Variants in TARBP1 observed in about 807,000 individuals in gnomAD.
The protein encoded by TARBP1 is tRNA guanosine 2 -O-methyltransferase TARBP1, also known as tRNA (guanosine(18)-2'-O)-methyltransferase TARBP1.
TARBP1 carries 144 observed loss-of-function variants against 178.6 expected under a neutral mutation model. The ratio of observed to expected loss-of-function variants is 0.81; its 90% CI spans 0.70 to 0.93. The LOEUF (loss-of-function observed/expected upper bound fraction) is 0.93. Ranked by LOEUF, TARBP1 falls within the 40% of genes least tolerant of loss-of-function variation. The pLI is 0.00. For missense variants in TARBP1, 2,067 were observed against 2,011.7 expected (o/e 1.03, Z -0.53); for synonymous variants, 787 against 781.0 (o/e 1.01, Z -0.13).
At position 234,425,670 on chromosome 1, in the gene TARBP1, T is replaced by TA; in HGVS notation, c.3444+2dup. ...AAGATAATTTAAAGTAAAATACACTTACTTTATCTAATAGCTTGATTGCAA... is the reference window on the plus strand; with the variant it reads ...AAGATAATTTAAAGTAAAATACACTTAACTTTATCTAATAGCTTGATTGCAA... On this transcript the variant is annotated splice_region_variant and intron_variant, in intron 20 of 29. Coordinates refer to ENST00000040877, the MANE Select transcript of TARBP1 (RefSeq NM_005646.4). The TA allele has an allele frequency of 6.2e-7, 1 of 1,610,562 alleles. No homozygotes were observed. The highest frequency in any genetic ancestry group is 1.7e-4 in the Middle Eastern group (1 of 5,886).
chr1:234,472,860 T>G, intron 1 of TARBP1, 49 bp from the exon 2 acceptor site: 2 of 1,399,462 alleles, frequency 1.4e-6, no homozygotes, highest in Non-Finnish European at 2.0e-6. Context: ...GCAAATTTCA[T>G]AAGTTTCTCA....
intron 21 of TARBP1, among the ~76,000 whole-genome samples, chr1:234,419,287 A>G (rs1183668942): frequency 2.0e-5 from 3 of 152,222 alleles, no homozygotes; most frequent in African/African-American, 7.2e-5. Context: ...TAGTAGAAAA[A>G]GAGCAGAAGG....
chr1:234,421,276 A>G (rs1663063704), intron 20 of TARBP1, among the ~76,000 whole-genome samples: 1 of 152,078 alleles, frequency 6.6e-6, no homozygotes, highest in Admixed American at 6.6e-5. Flanking sequence ...TTTAGTAGAG[A>G]TGGGGTTTCA....
chr1:234,472,738 A>G lies in TARBP1; in HGVS notation c.1005T>C (p.Ile335=), dbSNP rs1456967168. The change falls in exon 2 of 30, where the codon ATT becomes ATC. Residue 335 remains isoleucine, a synonymous_variant. Transcript: ENST00000040877. ...LLKFWENYIL[I]METLEGNQIH... is the part of the protein sequence containing the mutation. ...CCTGATTTCCTTCTAAAGTCTCCAT[A>G]ATTAAAATATAATTTTCCCAAAACT... is the stretch of plus-strand genomic sequence containing the variant. 1.2e-6 allele frequency: 2 copies of G among 1,601,274 alleles called. No homozygotes were observed. The highest frequency in any genetic ancestry group is 1.7e-6 in the Non-Finnish European group (2 of 1,175,808).
intron 9 of TARBP1, among the ~76,000 whole-genome samples, chr1:234,451,116 C>T (rs1246093943): frequency 6.6e-6 from 1 of 152,150 alleles, no homozygotes; most frequent in Non-Finnish European, 1.5e-5. Context: ...TAAAATACTG[C>T]ATATTAATTT....
At chr1:234,459,550 A>G (rs538833) in intron 7 of TARBP1, among the ~76,000 whole-genome samples, 55,576 of 151,720 alleles carry the variant, frequency 0.37, 10,726 homozygotes, top group African/African-American at 0.51. Context: ...AGTGGCTCAC[A>G]CCTCTAATCC....
At chr1:234,472,329 CAAAAA>C (rs1160411119) in intron 2 of TARBP1, among the ~76,000 whole-genome samples, 6 of 46,080 alleles carry the variant, frequency 1.3e-4, no homozygotes, top group Admixed American at 3.0e-4. Flanking sequence ...ACTCTGTCTC[CAAAAA>C]AAAAAAAAAA....
intron 22 of TARBP1, among the ~76,000 whole-genome samples, chr1:234,417,623 G>A (rs78912505): frequency 0.056 from 8,537 of 152,300 alleles, 289 homozygotes; most frequent in Middle Eastern, 0.092. Context: ...GTTGGAAAGC[G>A]ATTAGGGGAG....
At position 234,429,657 on chromosome 1, in the gene TARBP1, G is replaced by A. The variant is rs1664191216; in HGVS notation, c.2630C>T (p.Ser877Phe). 3 of 1,600,352 alleles carry A rather than the reference G, an allele frequency of 1.9e-6. No individual in the cohort carries two copies. The highest frequency in any genetic ancestry group is 2.6e-6 in the Non-Finnish European group (3 of 1,174,562). The change falls in exon 16 of 30, where the codon TCT becomes TTT. Residue 877 changes from serine to phenylalanine, a missense_variant. Ser to Phe is a radical substitution (Grantham distance 155). Coordinates refer to ENST00000040877, the MANE Select transcript of TARBP1 (RefSeq NM_005646.4). ...ECSSVLEESSSSQGWGKIVAQ... is the reference protein window; with the variant it reads ...ECSSVLEESSFSQGWGKIVAQ... ...AACTATTTTTCCCCATCCTTGGGAA[G>A]ATGACGATTCTTCCAAAACACTGAA...
intron 12 of TARBP1, among the ~76,000 whole-genome samples, chr1:234,445,732 G>A (rs536101146): frequency 3.9e-5 from 6 of 152,274 alleles, no homozygotes; most frequent in African/African-American, 1.2e-4. Flanking sequence ...TAACAGGAGG[G>A]CACTAAACAG....
intron 28 of TARBP1, among the ~76,000 whole-genome samples, chr1:234,393,108 TG>T (rs1444684804): frequency 4.6e-5 from 7 of 152,210 alleles, no homozygotes; most frequent in African/African-American, 7.2e-5. Context: ...ACATTATTGA[TG>T]ATTTCTAAAA....
Position 234,478,352 on chromosome 1 carries a change from C to CCGCGGG in TARBP1, c.746_751dup (p.Ala249_Arg250dup), listed in dbSNP as rs963916333. On this transcript the variant is annotated inframe_insertion, in exon 1 of 30. Coordinates refer to ENST00000040877, the MANE Select transcript of TARBP1 (RefSeq NM_005646.4). Reference sequence around the variant, plus strand: ...GGCGTCCGGGCCCGCCTCGCGCGCGCCGCGGGCGCGGTCGCCGCCGGGCTC... The same window carrying CCGCGGG: ...GGCGTCCGGGCCCGCCTCGCGCGCGCCGCGGGCGCGGGCGCGGTCGCCGCCGGGCTC... The CCGCGGG allele has an allele frequency of 1.3e-4, 162 of 1,270,948 alleles. No individual in the cohort carries two copies. In the East Asian group the frequency reaches 4.5e-3, roughly 36 times the overall value. The allele number at this position is 1,270,948 out of a possible 1,614,324, so 78.7% of individuals were successfully genotyped here.
intron 3 of TARBP1, among the ~76,000 whole-genome samples, chr1:234,469,491 C>T (rs1668830538): frequency 6.6e-6 from 1 of 152,152 alleles, no homozygotes; most frequent in Non-Finnish European, 1.5e-5. Flanking sequence ...TAAATTCTAG[C>T]CCCAGGTGCA....
chr1:234,443,335 C>T (rs1285289234), intron 12 of TARBP1, among the ~76,000 whole-genome samples: 2 of 151,838 alleles, frequency 1.3e-5, no homozygotes, highest in African/African-American at 2.4e-5. Context: ...TAGTCTATGC[C>T]TCATATAATG....
At chr1:234,404,211 C>T (rs1014613068) in intron 24 of TARBP1, among the ~76,000 whole-genome samples, 6 of 152,098 alleles carry the variant, frequency 3.9e-5, no homozygotes, top group African/African-American at 1.2e-4. Flanking sequence ...GAGACAGCTA[C>T]AAGCTGACAA....
intron 13 of TARBP1, 140 bp from the exon 14 acceptor site, chr1:234,433,711 G>GC (rs1664714263): frequency 1.3e-6 from 1 of 793,908 alleles, no homozygotes; most frequent in Non-Finnish European, 2.0e-6. Flanking sequence ...TCTCCAAGCA[G>GC]CCTTCCATAA....
Position 234,467,605 on chromosome 1 carries a change from C to G in TARBP1, c.1145G>C (p.Arg382Thr). Reference sequence around the variant, plus strand: ...GATTTTGTTTTCACTTTCAAACATTCTTTTATAAATACACATATGCCAGGA... The same window carrying G: ...GATTTTGTTTTCACTTTCAAACATTGTTTTATAAATACACATATGCCAGGA... ...HPSWHMCIYK[R>T]MFESENKILS... Residue 382 changes from arginine to threonine, a missense_variant, in exon 4 of 30, where the codon AGA becomes ACA. Arg to Thr is a moderately conservative substitution (Grantham distance 71). Coordinates refer to ENST00000040877, the MANE Select transcript of TARBP1 (RefSeq NM_005646.4). The G allele has an allele frequency of 6.2e-7, 1 of 1,609,278 alleles. No individual in the cohort carries two copies. Among genetic ancestry groups the G allele is most frequent in the Non-Finnish European group, 8.5e-7 (1 of 1,178,666 alleles).
intron 1 of TARBP1, among the ~76,000 whole-genome samples, chr1:234,474,334 T>G (rs1410398120): frequency 2.3e-5 from 3 of 129,530 alleles, no homozygotes; most frequent in African/African-American, 8.7e-5. Flanking sequence ...TCATAGAAAA[T>G]CCTTAGGAGA....
chr1:234,456,793 T>C lies in TARBP1; in HGVS notation c.1722+874A>G, dbSNP rs922206603. ...CTAAACCAAAAAATATGAATTTAGT[T>C]TGACGGTAGGCATTACAGATTATTT... On this transcript the variant is annotated intron_variant, in intron 9 of 29. Transcript: ENST00000040877. Among the ~76,000 whole-genome samples, 78 of 152,242 alleles carry C rather than the reference T, an allele frequency of 5.1e-4. 1 individual carries two copies. The highest frequency in any genetic ancestry group is 1.7e-3 in the African/African-American group (70 of 41,468).
Sources: gnomAD v4.1 joint callset for allele counts (sites outside exome capture counted in the v4.1 genomes callset) on GRCh38, gnomAD v4.1.1 for gene constraint, MANE v1.5 for transcripts, NCBI Gene and HGNC (gene_info 2026-07-23, HGNC 2026-07-21) for gene names.